The following SORCS3 variants were observed in gnomAD, a reference collection of about 807,000 sequenced individuals.
SORCS3 encodes the protein VPS10 domain-containing receptor SorCS3.
In SORCS3, 57 loss-of-function variants were observed where a neutral mutation model predicts 146.3. That is an observed-to-expected ratio of 0.39 (90% CI 0.31 to 0.49). The LOEUF is 0.49. SORCS3 is among the 20% of genes least tolerant of loss of function. SORCS3 has a pLI of 0.92. For synonymous variants in SORCS3, 653 were observed against 618.5 expected (o/e 1.06, Z -0.83); for missense variants, 1,341 against 1,575.5 (o/e 0.85, Z 2.52).
At chr10:104,996,830 A>T (rs567521425) in intron 4 of SORCS3, among the ~76,000 whole-genome samples, 2 of 152,212 alleles carry the variant, frequency 1.3e-5, no homozygotes, top group South Asian at 4.1e-4. Flanking sequence ...AATTTTTACT[A>T]CCAAAATGTG....
chr10:104,727,478 TA>T (rs1279589499), intron 1 of SORCS3, among the ~76,000 whole-genome samples: 1 of 151,678 alleles, frequency 6.6e-6, no homozygotes, highest in Admixed American at 6.6e-5. Flanking sequence ...TCCATGTCTT[TA>T]AAAAAAACTT....
At chr10:105,183,322 C>A (rs1035540339) in intron 14 of SORCS3, among the ~76,000 whole-genome samples, 1 of 152,184 alleles carries the variant, frequency 6.6e-6, no homozygotes, top group Non-Finnish European at 1.5e-5. Context: ...GTAGAAAGAT[C>A]ATTTTGCTTA....
At chr10:104,724,842 C>T (rs894004529) in intron 1 of SORCS3, among the ~76,000 whole-genome samples, 1 of 152,142 alleles carries the variant, frequency 6.6e-6, no homozygotes, top group African/African-American at 2.4e-5. Flanking sequence ...CCTTTAAGGA[C>T]TTCTCTGCGT....
At chr10:104,742,979 A>G (rs2016867307) in intron 1 of SORCS3, among the ~76,000 whole-genome samples, 1 of 152,250 alleles carries the variant, frequency 6.6e-6, no homozygotes, top group Admixed American at 6.5e-5. Flanking sequence ...ATAAATAAGC[A>G]TTAATAATTC....
At chr10:105,262,113 G>A (rs2056964379) in intron 25 of SORCS3, among the ~76,000 whole-genome samples, 1 of 152,110 alleles carries the variant, frequency 6.6e-6, no homozygotes, top group South Asian at 2.1e-4. Flanking sequence ...TCCTCAGGGA[G>A]TTCTATGGTT....
rs780166617 is a variant in SORCS3, at chr10:104,977,461, G to A, written c.922G>A (p.Asp308Asn). 19 of 1,612,728 alleles carry A rather than the reference G, an allele frequency of 1.2e-5. No homozygotes were observed. Among genetic ancestry groups the A allele is most frequent in the Non-Finnish European group, 1.6e-5 (19 of 1,179,618 alleles). ...QSLLFHPKQE[D>N]WVLAYSLDQK... ...CCTGCTCTTTCATCCCAAGCAAGAG[G>A]ACTGGGTGCTGGCCTACAGTTTGGA... The change falls in exon 4 of 27, where the codon GAC (aspartate) becomes AAC (asparagine). Residue 308 changes from aspartate to asparagine, a missense_variant. Transcript: ENST00000369701.
chr10:104,738,737 G>T (rs1165547326), intron 1 of SORCS3, among the ~76,000 whole-genome samples: 1 of 152,160 alleles, frequency 6.6e-6, no homozygotes, highest in Non-Finnish European at 1.5e-5. Context: ...ACAAAGTTGG[G>T]TTCATATGGA....
intron 20 of SORCS3, among the ~76,000 whole-genome samples, chr10:105,225,303 T>C (rs1162972013): frequency 6.6e-6 from 1 of 152,100 alleles, no homozygotes; most frequent in Non-Finnish European, 1.5e-5. Flanking sequence ...GGCATGTGGA[T>C]ATCCAGTTGT....
intron 1 of SORCS3, among the ~76,000 whole-genome samples, chr10:104,698,030 T>C (rs1333567590): frequency 1.3e-5 from 2 of 152,182 alleles, no homozygotes; most frequent in Admixed American, 6.6e-5. Flanking sequence ...TTTTGTACTA[T>C]ATTACCAAAT....
intron 1 of SORCS3, among the ~76,000 whole-genome samples, chr10:104,712,360 C>G (rs2016428558): frequency 1.3e-5 from 2 of 152,234 alleles, no homozygotes; most frequent in South Asian, 4.1e-4. Flanking sequence ...CCTAATTAGT[C>G]TATTTAACGA....
intron 6 of SORCS3, among the ~76,000 whole-genome samples, chr10:105,092,086 G>A (rs1224055463): frequency 6.6e-6 from 1 of 152,122 alleles, no homozygotes; most frequent in Non-Finnish European, 1.5e-5. Flanking sequence ...ATGCTGGACA[G>A]CTTCTTTAAA....
intron 13 of SORCS3, among the ~76,000 whole-genome samples, chr10:105,173,848 A>G (rs535821264): frequency 6.6e-6 from 1 of 152,168 alleles, no homozygotes; most frequent in African/African-American, 2.4e-5. Context: ...TTTTCTCCTG[A>G]ATCTTTACAT....
At chr10:105,089,946 C>A in intron 6 of SORCS3, 107 bp downstream of exon 6, 1 of 809,714 alleles carries the variant, frequency 1.2e-6, no homozygotes. Flanking sequence ...GCTCTGAGCT[C>A]CATTACAGCC....
chr10:105,167,863 C>G (rs2056326941), intron 13 of SORCS3, among the ~76,000 whole-genome samples: 1 of 152,036 alleles, frequency 6.6e-6, no homozygotes, highest in Non-Finnish European at 1.5e-5. Flanking sequence ...GTAGTGGGCT[C>G]AATGCCTCAA....
At chr10:104,828,563 T>G (rs2017965261) in intron 1 of SORCS3, among the ~76,000 whole-genome samples, 1 of 152,112 alleles carries the variant, frequency 6.6e-6, no homozygotes, top group African/African-American at 2.4e-5. Flanking sequence ...TGTGAGAATT[T>G]CCAAAATGTG....
intron 20 of SORCS3, among the ~76,000 whole-genome samples, chr10:105,245,217 TCTC>T (rs1275904037): frequency 2.0e-5 from 3 of 152,062 alleles, no homozygotes; most frequent in Non-Finnish European, 4.4e-5. Flanking sequence ...AGGGAAATGA[TCTC>T]CTATTCCCAA....
intron 4 of SORCS3, among the ~76,000 whole-genome samples, chr10:105,038,239 G>A (rs1420094448): frequency 6.6e-6 from 1 of 152,162 alleles, no homozygotes; most frequent in Non-Finnish European, 1.5e-5. Flanking sequence ...GTATAAACAA[G>A]GAAAGTTTTT....
chr10:104,904,789 AT>A (rs869242961), intron 2 of SORCS3, among the ~76,000 whole-genome samples: 9 of 65,740 alleles, frequency 1.4e-4, no homozygotes, highest in African/African-American at 9.5e-4. Flanking sequence ...GTGCGTTATT[AT>A]TTTTTTTTTA....
intron 7 of SORCS3, among the ~76,000 whole-genome samples, chr10:105,123,344 A>C (rs1564760588): frequency 6.6e-6 from 1 of 152,184 alleles, no homozygotes; most frequent in Non-Finnish European, 1.5e-5. Context: ...TTAGTCAGAC[A>C]TAGGAAAGGG....
Sources: gnomAD v4.1 joint callset for allele counts (sites outside exome capture counted in the v4.1 genomes callset) on GRCh38, gnomAD v4.1.1 for gene constraint, MANE v1.5 for transcripts, NCBI Gene and HGNC (gene_info 2026-07-23, HGNC 2026-07-21) for gene names.